The following GRIK4 variants were observed in gnomAD, a reference collection of about 807,000 sequenced individuals.
GRIK4 encodes the protein glutamate ionotropic receptor kainate type subunit 4.
A neutral mutation model predicts 104.9 loss-of-function variants in GRIK4; 40 were observed. The observed-to-expected ratio is 0.38, with a 90% confidence interval of 0.30 to 0.50. The LOEUF is 0.50. GRIK4 is among the 20% of genes least tolerant of loss of function. The pLI is 0.93. For missense variants in GRIK4, 1,047 were observed against 1,308.1 expected, an observed-to-expected ratio of 0.80 and a Z score of 3.08; for synonymous variants, 485 against 524.9, an observed-to-expected ratio of 0.92 and a Z score of 1.04.
chr11:120,642,413 C>T (rs751151686), intron 1 of GRIK4, among the ~76,000 whole-genome samples: 3 of 151,520 alleles, frequency 2.0e-5, no homozygotes, highest in Non-Finnish European at 2.9e-5. Context: ...CTGGGAGATG[C>T]GGGTATTAGA....
At chr11:120,566,478 A>T (rs36111344) in intron 1 of GRIK4, among the ~76,000 whole-genome samples, 1 of 151,900 alleles carries the variant, frequency 6.6e-6, no homozygotes, top group Non-Finnish European at 1.5e-5. Context: ...GGGCCAGCCT[A>T]CGATGTGGTT....
At chr11:120,546,008 G>C (rs1244407533) in intron 1 of GRIK4, among the ~76,000 whole-genome samples, 1 of 152,026 alleles carries the variant, frequency 6.6e-6, no homozygotes, top group East Asian at 1.9e-4. Context: ...GGTGCCCCTC[G>C]GTGTGGCTGG....
chr11:120,638,684 A>G (rs1161580612), intron 1 of GRIK4, among the ~76,000 whole-genome samples: 1 of 151,508 alleles, frequency 6.6e-6, no homozygotes, highest in Non-Finnish European at 1.5e-5. Flanking sequence ...TCACCATGTT[A>G]GCCAGGATGG....
chr11:120,871,569 T>C, intron 9 of GRIK4: 1 of 456,276 alleles, frequency 2.2e-6, no homozygotes, highest in Non-Finnish European at 4.4e-6. Context: ...TGTCCTTTGT[T>C]GCTTAGTCTT....
At chr11:120,674,715 G>C (rs1950072223) in intron 3 of GRIK4, among the ~76,000 whole-genome samples, 1 of 152,232 alleles carries the variant, frequency 6.6e-6, no homozygotes, top group African/African-American at 2.4e-5. Flanking sequence ...GAGACTTTGA[G>C]CTTTCAGCTC....
At chr11:120,632,664 C>A (rs2135185476) in intron 1 of GRIK4, among the ~76,000 whole-genome samples, 1 of 152,276 alleles carries the variant, frequency 6.6e-6, no homozygotes, top group South Asian at 2.1e-4. Flanking sequence ...GCACTCAACT[C>A]ACACCACCCA....
chr11:120,903,331 A>T lies in GRIK4; in HGVS notation c.1273-1959A>T, dbSNP rs891264557. 5.3e-5 allele frequency among the ~76,000 whole-genome samples: 8 copies of T among 151,436 alleles called. No homozygotes were observed. The highest frequency in any genetic ancestry group is 8.8e-5 in the Non-Finnish European group (6 of 67,880). On this transcript the variant is annotated intron_variant, in intron 12 of 20. Transcript: ENST00000527524. The surrounding 1 kb of genome is among the most constrained non-coding windows in gnomAD (Gnocchi z 4.4). Reference sequence around the variant, plus strand: ...GCTGAAAATCTTCCCACACACCAAGACTCAAGCCTATCTGCCCCACTTTCA... The same window carrying T: ...GCTGAAAATCTTCCCACACACCAAGTCTCAAGCCTATCTGCCCCACTTTCA...
intron 13 of GRIK4, among the ~76,000 whole-genome samples, chr11:120,928,308 G>A (rs574407924): frequency 1.1e-4 from 17 of 152,050 alleles, no homozygotes; most frequent in African/African-American, 4.1e-4. Context: ...AACGGGAAGA[G>A]GGGATTGTAA....
intron 8 of GRIK4, among the ~76,000 whole-genome samples, chr11:120,842,005 G>A (rs557279434): frequency 1.3e-5 from 2 of 152,286 alleles, no homozygotes; most frequent in East Asian, 3.9e-4. Flanking sequence ...AGGAGCTTAT[G>A]AGCTGGGACC....
At position 120,566,435 on chromosome 11, in the gene GRIK4, A is replaced by G. The variant is rs117094661; in HGVS notation, c.-159+54548A>G. On this transcript the variant is annotated intron_variant, in intron 1 of 20. Coordinates refer to ENST00000527524, the MANE Select transcript of GRIK4 (RefSeq NM_014619.5). ...ATGCTGGTGTTAAAATAGACTATTTAAGGTGATTGCCAGCTAATCTACGGA... is the reference window on the plus strand; with the variant it reads ...ATGCTGGTGTTAAAATAGACTATTTGAGGTGATTGCCAGCTAATCTACGGA... 3.9e-4 allele frequency among the ~76,000 whole-genome samples: 59 copies of G among 152,334 alleles called. 1 individual carries two copies. The East Asian group carries it at 0.011, about 29-fold the overall frequency.
chr11:120,616,336 A>G (rs1949113881), intron 1 of GRIK4, among the ~76,000 whole-genome samples: 1 of 152,206 alleles, frequency 6.6e-6, no homozygotes, highest in Admixed American at 6.5e-5. Flanking sequence ...AGAGATCCGC[A>G]GGTGCACCTT....
At chr11:120,557,909 T>C (rs1447780084) in intron 1 of GRIK4, among the ~76,000 whole-genome samples, 1 of 150,124 alleles carries the variant, frequency 6.7e-6, no homozygotes, top group Non-Finnish European at 1.5e-5. Flanking sequence ...TCCCAGCTAC[T>C]CGGGAGGCTG....
intron 8 of GRIK4, among the ~76,000 whole-genome samples, chr11:120,854,131 G>A (rs1346352284): frequency 6.6e-6 from 1 of 152,220 alleles, no homozygotes; most frequent in African/African-American, 2.4e-5. Flanking sequence ...GGAAGCAGTT[G>A]ATGTTATTAT....
chr11:120,536,918 C>T (rs1023663970), intron 1 of GRIK4, among the ~76,000 whole-genome samples: 8 of 152,200 alleles, frequency 5.3e-5, no homozygotes, highest in South Asian at 2.1e-4. Context: ...CCGGCCCAGA[C>T]GCCTGCTGAG....
intron 13 of GRIK4, chr11:120,936,280 T>C (rs2134628512): frequency 2.0e-6 from 1 of 512,598 alleles, no homozygotes. Flanking sequence ...TCCAGCTCCT[T>C]TGCAACATCA....
chr11:120,561,932 G>C (rs555557586), intron 1 of GRIK4, among the ~76,000 whole-genome samples: 1 of 152,340 alleles, frequency 6.6e-6, no homozygotes, highest in East Asian at 1.9e-4. Flanking sequence ...GCCAAATAAG[G>C]CAAAGAATAT....
At chr11:120,568,547 C>G (rs1948359747) in intron 1 of GRIK4, among the ~76,000 whole-genome samples, 1 of 152,090 alleles carries the variant, frequency 6.6e-6, no homozygotes, top group South Asian at 2.1e-4. Context: ...ACCACCATGC[C>G]TGGCTAATTT....
chr11:120,594,752 G>C (rs1286262510), intron 1 of GRIK4, among the ~76,000 whole-genome samples: 1 of 152,140 alleles, frequency 6.6e-6, no homozygotes, highest in Admixed American at 6.5e-5. Flanking sequence ...ACTGCAGTTG[G>C]GCCACGGTTA....
Position 120,554,432 on chromosome 11 carries a change from C to T in GRIK4, c.-159+42545C>T, listed in dbSNP as rs112051629. ...CAGCCCCTGCATGGGCTCCTGCCTC[C>T]GCTTAGGTGTTTTCCTGGGACTTTC... On this transcript the variant is annotated intron_variant, in intron 1 of 20. Coordinates refer to ENST00000527524, the MANE Select transcript of GRIK4 (RefSeq NM_014619.5). Among the ~76,000 whole-genome samples the T allele has an allele frequency of 9.4e-3, 1,436 of 152,300 alleles. 31 individuals carry two copies. The highest frequency in any genetic ancestry group is 0.033 in the African/African-American group (1,376 of 41,556).
Sources: gnomAD v4.1 joint callset for allele counts (sites outside exome capture counted in the v4.1 genomes callset) on GRCh38, gnomAD v4.1.1 for gene constraint, Gnocchi (gnomAD v3.1) non-coding constraint, MANE v1.5 for transcripts, NCBI Gene and HGNC (gene_info 2026-07-23, HGNC 2026-07-21) for gene names.